The following SH3GL3 variants were observed in gnomAD, a reference collection of about 807,000 sequenced individuals.
SH3GL3 encodes endophilin-A3.
Under a neutral mutation model 47.7 loss-of-function variants are expected in SH3GL3, and 33 were observed. The observed-to-expected ratio is 0.69, with a 90% CI of 0.52 to 0.92. SH3GL3 has a LOEUF of 0.92. Among genes scored for constraint, SH3GL3 ranks in the 40% least tolerant of loss-of-function variants. SH3GL3 has a pLI of 0.00. For synonymous variants in SH3GL3, 155 were observed against 148.8 expected, an observed-to-expected ratio of 1.04 and a Z score of -0.30; for missense variants, 363 against 417.8, an observed-to-expected ratio of 0.87 and a Z score of 1.14.
At chr15:83,539,049 T>G (rs1354614679) in intron 1 of SH3GL3, among the ~76,000 whole-genome samples, 4 of 152,196 alleles carry the variant, frequency 2.6e-5, no homozygotes, top group Non-Finnish European at 5.9e-5. Flanking sequence ...TTAAAGTAAT[T>G]TTGACCATTC....
chr15:83,526,581 G>A (rs756024037), intron 1 of SH3GL3, among the ~76,000 whole-genome samples: 2 of 152,084 alleles, frequency 1.3e-5, no homozygotes, highest in Non-Finnish European at 1.5e-5. Flanking sequence ...ACCAAAAACT[G>A]CATGTTCCCA....
At chr15:83,586,850 GA>G in intron 6 of SH3GL3, 132 bp from the exon 7 acceptor site, 1 of 497,370 alleles carries the variant, frequency 2.0e-6, no homozygotes, top group Non-Finnish European at 3.6e-6. Context: ...GCTCCTACAT[GA>G]AATTAAATGA....
intron 1 of SH3GL3, among the ~76,000 whole-genome samples, chr15:83,538,793 T>G (rs941962186): frequency 5.3e-5 from 8 of 152,128 alleles, no homozygotes; most frequent in African/African-American, 1.9e-4. Flanking sequence ...TTGTTTCTAG[T>G]TTTTTGTTAT....
chr15:83,572,484 G>A, intron 4 of SH3GL3, 81 bp from the exon 5 acceptor site: 2 of 1,214,910 alleles, frequency 1.6e-6, no homozygotes, highest in Non-Finnish European at 2.3e-6. Flanking sequence ...ACACACTTTT[G>A]GTAAAGAATG....
chr15:83,482,063 G>A (rs1482507842), intron 1 of SH3GL3, among the ~76,000 whole-genome samples: 1 of 152,010 alleles, frequency 6.6e-6, no homozygotes, highest in Admixed American at 6.5e-5. Flanking sequence ...GCCAACACTG[G>A]GTCTTGCCAT....
intron 2 of SH3GL3, among the ~76,000 whole-genome samples, chr15:83,563,556 G>A (rs1400764567): frequency 1.3e-5 from 2 of 152,050 alleles, no homozygotes; most frequent in Non-Finnish European, 2.9e-5. Flanking sequence ...TTATCAATCT[G>A]GAGAATGTAA....
At chr15:83,543,927 G>A (rs377646011) in intron 1 of SH3GL3, among the ~76,000 whole-genome samples, 1 of 151,622 alleles carries the variant, frequency 6.6e-6, no homozygotes, top group African/African-American at 2.4e-5. Flanking sequence ...CTGGCTAAAG[G>A]TTTGTCAATT....
chr15:83,480,086 G>A (rs967506067), intron 1 of SH3GL3, among the ~76,000 whole-genome samples: 6 of 151,930 alleles, frequency 3.9e-5, no homozygotes, highest in Admixed American at 6.6e-5. Context: ...AGATTTTTTG[G>A]ATGGAAACTA....
chr15:83,550,996 A>T (rs2044638141), intron 1 of SH3GL3, among the ~76,000 whole-genome samples: 1 of 152,184 alleles, frequency 6.6e-6, no homozygotes, highest in African/African-American at 2.4e-5. Context: ...AAGAAGATGG[A>T]GACGCCAAGG....
chr15:83,566,117 C>T (rs2045522977), intron 3 of SH3GL3, among the ~76,000 whole-genome samples: 1 of 152,150 alleles, frequency 6.6e-6, no homozygotes, highest in Admixed American at 6.5e-5. Flanking sequence ...TAGAGGATTT[C>T]GGGGTGCTGG....
intron 6 of SH3GL3, among the ~76,000 whole-genome samples, chr15:83,583,420 C>T (rs887693982): frequency 4.6e-5 from 7 of 152,212 alleles, no homozygotes; most frequent in Admixed American, 3.9e-4. Flanking sequence ...GCCTTGGTTA[C>T]AGTATGCAGT....
chr15:83,535,455 A>G (rs1869744290), intron 1 of SH3GL3, among the ~76,000 whole-genome samples: 1 of 152,180 alleles, frequency 6.6e-6, no homozygotes, highest in African/African-American at 2.4e-5. Context: ...TGTCCTTATC[A>G]GGCCTAGGTC....
At chr15:83,546,823 G>T (rs1232398278) in intron 1 of SH3GL3, among the ~76,000 whole-genome samples, 1 of 152,164 alleles carries the variant, frequency 6.6e-6, no homozygotes, top group African/African-American at 2.4e-5. Flanking sequence ...TCTGGACCAG[G>T]ATGGGTCTAG....
chr15:83,582,351 A>C (rs1470285625), intron 6 of SH3GL3, among the ~76,000 whole-genome samples: 1 of 152,124 alleles, frequency 6.6e-6, no homozygotes, highest in Admixed American at 6.5e-5. Context: ...GGTTCCCAAG[A>C]CCAGTGGAAT....
intron 1 of SH3GL3, among the ~76,000 whole-genome samples, chr15:83,526,637 G>A (rs2043432752): frequency 6.6e-6 from 1 of 152,050 alleles, no homozygotes; most frequent in Non-Finnish European, 1.5e-5. Flanking sequence ...ACTCTTAGAG[G>A]GGAACAGCAG....
At chr15:83,586,378 A>G (rs1374136302) in intron 6 of SH3GL3, among the ~76,000 whole-genome samples, 1 of 152,190 alleles carries the variant, frequency 6.6e-6, no homozygotes, top group Non-Finnish European at 1.5e-5. Flanking sequence ...GGAAACAGAG[A>G]TGCCAGTGTC....
intron 1 of SH3GL3, among the ~76,000 whole-genome samples, chr15:83,552,923 C>A (rs1382980413): frequency 6.6e-6 from 1 of 152,128 alleles, no homozygotes; most frequent in Non-Finnish European, 1.5e-5. Context: ...TGGATTGCTC[C>A]TTTTATTATT....
downstream of SH3GL3, among the ~76,000 whole-genome samples, chr15:83,621,044 T>G (rs2060914265): frequency 6.6e-6 from 1 of 152,202 alleles, no homozygotes; most frequent in South Asian, 2.1e-4. Flanking sequence ...TTAATGCAGC[T>G]TTCTCACCTC....
At chr15:83,624,895 G>A in the SH3GL3 span, among the ~76,000 whole-genome samples, 4 of 152,182 alleles carry the variant, frequency 2.6e-5, no homozygotes, top group Non-Finnish European at 5.9e-5. Flanking sequence ...GGCCCGAAGT[G>A]TTCCTTTTAG....
Sources: allele counts gnomAD v4.1 joint callset (sites outside exome capture counted in the v4.1 genomes callset), GRCh38; gene constraint gnomAD v4.1.1; transcripts MANE v1.5; gene names NCBI Gene and HGNC (gene_info 2026-07-23, HGNC 2026-07-21).